Variants in CDH13 observed in about 807,000 individuals in gnomAD.
CDH13 encodes the protein cadherin 13.
A neutral mutation model predicts 63.8 loss-of-function variants in CDH13; 24 were observed. The observed-to-expected ratio is 0.38, with a 90% CI of 0.27 to 0.53. The LOEUF (loss-of-function observed/expected upper bound fraction) is 0.53, where lower values mean the gene tolerates loss of function less well. CDH13 is among the 20% of genes least tolerant of loss of function. The pLI, the probability that CDH13 is intolerant of heterozygous loss-of-function variation, is 0.85. For missense variants in CDH13, 1,049 were observed against 903.1 expected, an observed-to-expected ratio of 1.16 and a Z score of -2.07; for synonymous variants, 503 against 355.3, an observed-to-expected ratio of 1.42 and a Z score of -4.67.
chr16:83,681,810 A>T (rs1915431383), intron 10 of CDH13, among the ~76,000 whole-genome samples: 1 of 152,084 alleles, frequency 6.6e-6, no homozygotes, highest in Admixed American at 6.5e-5. Context: ...AGGATGGGAG[A>T]CACTTTTCTA....
intron 1 of CDH13, among the ~76,000 whole-genome samples, chr16:82,743,060 T>C (rs2034004274): frequency 6.6e-6 from 1 of 152,230 alleles, no homozygotes; most frequent in African/African-American, 2.4e-5. Context: ...AACAGAATAG[T>C]ATAATAAATC....
intron 10 of CDH13, among the ~76,000 whole-genome samples, chr16:83,707,835 G>GAAAAAAAAAA (rs1907331718): frequency 5.2e-5 from 1 of 19,222 alleles, no homozygotes; most frequent in South Asian, 1.2e-3. Context: ...GACCCTAAAG[G>GAAAAAAAAAA]CAAAAAAAAA....
chr16:82,774,140 A>C (rs1177767486), intron 1 of CDH13, among the ~76,000 whole-genome samples: 4 of 152,010 alleles, frequency 2.6e-5, no homozygotes, highest in Non-Finnish European at 5.9e-5. Context: ...TAAAAAAAAA[A>C]TGTGCTTCCC....
intron 5 of CDH13, among the ~76,000 whole-genome samples, chr16:83,284,801 A>G (rs2089267797): frequency 6.6e-6 from 1 of 152,158 alleles, no homozygotes; most frequent in Admixed American, 6.5e-5. Context: ...ATAGTATAAT[A>G]CAATATAATG....
intron 2 of CDH13, among the ~76,000 whole-genome samples, chr16:82,871,978 C>G (rs1174130116): frequency 3.3e-5 from 5 of 152,198 alleles, no homozygotes; most frequent in Non-Finnish European, 5.9e-5. Flanking sequence ...GTGCTTATCC[C>G]TAAGCCAGTT....
intron 2 of CDH13, among the ~76,000 whole-genome samples, chr16:82,940,669 A>G (rs1280819552): frequency 1.3e-5 from 2 of 152,150 alleles, no homozygotes; most frequent in East Asian, 3.9e-4. Context: ...TTTGTTTTCT[A>G]ATTTTCTTTT....
chr16:83,625,587 A>G (rs1910223602), intron 8 of CDH13, among the ~76,000 whole-genome samples: 1 of 152,192 alleles, frequency 6.6e-6, no homozygotes, highest in Non-Finnish European at 1.5e-5. Context: ...GCAGAAAACA[A>G]GTTATTTTCT....
intron 7 of CDH13, among the ~76,000 whole-genome samples, chr16:83,501,928 TGGTACAGTGGCTCA>T (rs982439174): frequency 6.6e-6 from 1 of 152,222 alleles, no homozygotes; most frequent in African/African-American, 2.4e-5. Context: ...AAAGCCCATG[TGGTACAGTGGCTCA>T]GAGCTTGGGC....
intron 1 of CDH13, among the ~76,000 whole-genome samples, chr16:82,743,913 A>C (rs1415009527): frequency 6.6e-6 from 1 of 152,230 alleles, no homozygotes; most frequent in African/African-American, 2.4e-5. Context: ...TGAAATTGTT[A>C]TAGTGATTAA....
At chr16:83,166,138 T>A (rs2037656377) in intron 4 of CDH13, among the ~76,000 whole-genome samples, 1 of 152,060 alleles carries the variant, frequency 6.6e-6, no homozygotes, top group Admixed American at 6.6e-5. Flanking sequence ...AAACAGTAGT[T>A]TGGGCAAGAA....
intron 1 of CDH13, among the ~76,000 whole-genome samples, chr16:82,723,978 G>C (rs1263746899): frequency 6.6e-6 from 1 of 152,046 alleles, no homozygotes; most frequent in Non-Finnish European, 1.5e-5. Context: ...AATAACTCTG[G>C]TAAGTGCCCA....
intron 1 of CDH13, among the ~76,000 whole-genome samples, chr16:82,784,379 C>T (rs1185225020): frequency 6.6e-6 from 1 of 152,196 alleles, no homozygotes; most frequent in Admixed American, 6.5e-5. Flanking sequence ...GGTCAAATGA[C>T]CACACCTACC....
chr16:83,013,078 G>GA (rs1275965701), intron 2 of CDH13, among the ~76,000 whole-genome samples: 1 of 152,118 alleles, frequency 6.6e-6, no homozygotes, highest in Non-Finnish European at 1.5e-5. Flanking sequence ...CAAAATGCGA[G>GA]AAAAAATATG....
At chr16:83,384,732 A>T (rs1206123636) in intron 6 of CDH13, among the ~76,000 whole-genome samples, 1 of 152,194 alleles carries the variant, frequency 6.6e-6, no homozygotes, top group Non-Finnish European at 1.5e-5. Flanking sequence ...CCTCATGTGG[A>T]TCAATGTGGA....
chr16:83,168,108 G>C (rs371348342), intron 4 of CDH13, among the ~76,000 whole-genome samples: 14 of 151,714 alleles, frequency 9.2e-5, no homozygotes, highest in African/African-American at 3.1e-4. Context: ...TGCTAGCTAG[G>C]TGACAGGACC....
chr16:83,128,354 C>A (rs1025215348), intron 4 of CDH13, among the ~76,000 whole-genome samples: 7 of 152,128 alleles, frequency 4.6e-5, no homozygotes, highest in African/African-American at 1.7e-4. Flanking sequence ...CATGTCCCAC[C>A]CCAAAACCAC....
intron 11 of CDH13, among the ~76,000 whole-genome samples, chr16:83,766,520 C>T (rs1193857904): frequency 6.6e-6 from 1 of 152,170 alleles, no homozygotes; most frequent in African/African-American, 2.4e-5. Flanking sequence ...CCTCACTTTG[C>T]ACACTGTTTC....
At chr16:82,792,074 C>T (rs144829140) in intron 1 of CDH13, among the ~76,000 whole-genome samples, 21 of 152,236 alleles carry the variant, frequency 1.4e-4, no homozygotes, top group Admixed American at 1.3e-4. Flanking sequence ...GAGTGTGGGA[C>T]GGATCTGTGA....
chr16:83,519,924 T>A (rs1373780193), intron 7 of CDH13, among the ~76,000 whole-genome samples: 1 of 152,062 alleles, frequency 6.6e-6, no homozygotes, highest in Admixed American at 6.5e-5. Context: ...TTCTGCTTGC[T>A]ATGTTGAGTT....
Sources: gnomAD v4.1 joint callset for allele counts (sites outside exome capture counted in the v4.1 genomes callset) on GRCh38, gnomAD v4.1.1 for gene constraint, MANE v1.5 for transcripts, NCBI Gene and HGNC (gene_info 2026-07-23, HGNC 2026-07-21) for gene names.